The following FANCC variants were observed in gnomAD, a reference collection of about 807,000 sequenced individuals.
The protein encoded by FANCC is Fanconi anemia group C protein.
In FANCC, 55 loss-of-function variants were observed where a neutral mutation model predicts 71.3. The ratio of observed to expected loss-of-function variants is 0.77; its 90% confidence interval spans 0.62 to 0.97. The LOEUF is 0.97. FANCC is among the 50% of genes least tolerant of loss of function. The pLI, the probability that FANCC is intolerant of heterozygous loss-of-function variation, is 0.00. For synonymous variants in FANCC, 275 were observed against 244.9 expected, an observed-to-expected ratio of 1.12 and a Z score of -1.15; for missense variants, 678 against 670.9, an observed-to-expected ratio of 1.01 and a Z score of -0.12.
rs567517495 is a variant in FANCC at position 95,195,467 on chromosome 9, T to G, written c.346-23320A>C. ...TTCCAGGTTCTCTGTTCTGTTCCATTCATCTATGTGTCCACGCCTCTGTCA... is the reference window on the plus strand; with the variant it reads ...TTCCAGGTTCTCTGTTCTGTTCCATGCATCTATGTGTCCACGCCTCTGTCA... On this transcript the variant is annotated intron_variant, in intron 4 of 14. Coordinates refer to ENST00000289081, the MANE Select transcript of FANCC (RefSeq NM_000136.3). 2.6e-5 allele frequency among the ~76,000 whole-genome samples: 4 copies of G among 152,234 alleles called. No individual in the cohort carries two copies. The East Asian group carries it at 5.8e-4, about 22-fold the overall frequency.
chr9:95,127,394 G>A (rs1250182026), intron 8 of FANCC: 1 of 152,376 alleles, frequency 6.6e-6, no homozygotes. Flanking sequence ...TTTCTTGGAA[G>A]GCAATGTTTC....
At chr9:95,108,909 CT>C (rs59777183) in intron 13 of FANCC, among the ~76,000 whole-genome samples, 51,608 of 144,078 alleles carry the variant, frequency 0.36, 9,015 homozygotes, top group East Asian at 0.56. Flanking sequence ...TCTTCAAGAC[CT>C]TTTTTTTTTT....
chr9:95,252,537 G>T (rs1356155926), intron 1 of FANCC, among the ~76,000 whole-genome samples: 9 of 151,932 alleles, frequency 5.9e-5, no homozygotes, highest in Admixed American at 5.9e-4. Flanking sequence ...ACGAGGTCAG[G>T]AGATTGAGAC....
chr9:95,129,064 G>A (rs908084655), intron 8 of FANCC, among the ~76,000 whole-genome samples: 2 of 151,896 alleles, frequency 1.3e-5, no homozygotes, highest in Non-Finnish European at 2.9e-5. Context: ...CACCACACCT[G>A]GCTAATTTTT....
chr9:95,101,603 G>A lies in FANCC; in HGVS notation c.*104C>T, dbSNP rs540891064. On this transcript the variant is annotated 3_prime_UTR_variant, in exon 15 of 15. Coordinates refer to ENST00000289081, the MANE Select transcript of FANCC (RefSeq NM_000136.3). ...GTACAGCTCATTCTCACAGCCCAGC[G>A]AGGGCACTTACTCCACAAATGCGTG... The A allele has an allele frequency of 1.4e-5, 19 of 1,390,578 alleles. No homozygotes were observed. Among genetic ancestry groups the A allele is most frequent in the East Asian group, 2.4e-5 (1 of 42,430 alleles). 86.1% of individuals were successfully genotyped at this position (1,390,578 alleles called of 1,614,324 possible).
At chr9:95,142,071 C>T (rs1475995908) in intron 7 of FANCC, among the ~76,000 whole-genome samples, 2 of 130,634 alleles carry the variant, frequency 1.5e-5, no homozygotes, top group Admixed American at 9.2e-5. Flanking sequence ...CGGCTCACTA[C>T]AACCTCTGCC....
intron 14 of FANCC, among the ~76,000 whole-genome samples, chr9:95,103,579 G>C (rs910634254): frequency 2.0e-5 from 3 of 152,236 alleles, no homozygotes; most frequent in Non-Finnish European, 1.5e-5. Flanking sequence ...GAGGGAGCAA[G>C]TGGACGGCTG....
chr9:95,225,102 G>A (rs1244967656), intron 4 of FANCC, among the ~76,000 whole-genome samples: 2 of 152,158 alleles, frequency 1.3e-5, no homozygotes, highest in Non-Finnish European at 1.5e-5. Flanking sequence ...ACAGTTACCA[G>A]CTCACAATGA....
intron 1 of FANCC, among the ~76,000 whole-genome samples, chr9:95,260,906 C>A (rs1359732180): frequency 6.6e-6 from 1 of 152,096 alleles, no homozygotes; most frequent in Non-Finnish European, 1.5e-5. Context: ...AACCACCCAC[C>A]AGGATGGGCA....
intron 3 of FANCC, 100 bp downstream of exon 3, chr9:95,247,331 TA>T (rs529124256): frequency 0.025 from 18,208 of 720,960 alleles, no homozygotes; most frequent in Non-Finnish European, 0.028. Flanking sequence ...GTTGTTCCAT[TA>T]AAAAAAAAAA....
intron 6 of FANCC, among the ~76,000 whole-genome samples, chr9:95,152,689 T>C (rs539228990): frequency 2.1e-4 from 32 of 152,330 alleles, no homozygotes; most frequent in African/African-American, 7.0e-4. Context: ...TTTTGTTACA[T>C]GGATGAATTG....
intron 1 of FANCC, among the ~76,000 whole-genome samples, chr9:95,283,471 T>C (rs1443392588): frequency 6.6e-6 from 1 of 152,242 alleles, no homozygotes; most frequent in African/African-American, 2.4e-5. Context: ...CTGCTATTTA[T>C]TACAGAGCAT....
chr9:95,179,614 T>C (rs539329573), intron 4 of FANCC, among the ~76,000 whole-genome samples: 20 of 152,232 alleles, frequency 1.3e-4, no homozygotes, highest in Non-Finnish European at 2.2e-4. Context: ...CCCAAAGTGC[T>C]AGGATTACAG....
At chr9:95,315,719 T>C (rs1835700034) in intron 1 of FANCC, among the ~76,000 whole-genome samples, 1 of 152,242 alleles carries the variant, frequency 6.6e-6, no homozygotes, top group South Asian at 2.1e-4. Flanking sequence ...TCCAGCCCGA[T>C]TTGAGGCCCT....
intron 4 of FANCC, among the ~76,000 whole-genome samples, chr9:95,211,914 T>C (rs1409564054): frequency 6.8e-6 from 1 of 147,172 alleles, no homozygotes; most frequent in African/African-American, 2.5e-5. Context: ...TAGAATACAA[T>C]ATATGAAATA....
chr9:95,281,108 G>GA (rs1833361828), intron 1 of FANCC, among the ~76,000 whole-genome samples: 1 of 152,128 alleles, frequency 6.6e-6, no homozygotes, highest in East Asian at 1.9e-4. Context: ...TTGAAAAAGA[G>GA]AAAGTAGTAG....
In FANCC at chr9:95,217,849, C is replaced by T. The variant is rs565168403; in HGVS notation, c.345+22800G>A. On this transcript the variant is annotated intron_variant, in intron 4 of 14. Transcript: ENST00000289081. ...TTTAAAAAAATTTAATTTGTTAAAC[C>T]GTTGCTCAGTTCATGGGGGAGAAAA... 3.9e-5 allele frequency among the ~76,000 whole-genome samples: 6 copies of T among 152,026 alleles called. No homozygotes were observed. The South Asian group carries it at 8.3e-4, about 21-fold the overall frequency.
chr9:95,257,040 T>C (rs1209687443), intron 1 of FANCC, among the ~76,000 whole-genome samples: 1 of 152,188 alleles, frequency 6.6e-6, no homozygotes, highest in Non-Finnish European at 1.5e-5. Context: ...ATAAAGCAAG[T>C]TCTTAGAGGC....
At chr9:95,316,600 T>C (rs1204165965) in intron 1 of FANCC, among the ~76,000 whole-genome samples, 1 of 152,202 alleles carries the variant, frequency 6.6e-6, no homozygotes, top group Admixed American at 6.5e-5. Context: ...TAAAATCAGA[T>C]GCCCGGGAGT....
Sources: gnomAD v4.1 joint callset for allele counts (sites outside exome capture counted in the v4.1 genomes callset) on GRCh38, gnomAD v4.1.1 for gene constraint, MANE v1.5 for transcripts, NCBI Gene and HGNC (gene_info 2026-07-23, HGNC 2026-07-21) for gene names.